Variants in SATL1 observed in about 807,000 individuals in gnomAD.
SATL1 encodes spermidine/spermine N1-acetyl transferase like 1.
Under a neutral mutation model 51.8 loss-of-function variants are expected in SATL1, and 47 were observed. The observed-to-expected ratio is 0.91, with a 90% CI of 0.72 to 1.16. The LOEUF is 1.16. Ranked by LOEUF, SATL1 falls within the 50% of genes most tolerant of loss-of-function variation. The pLI, the probability that SATL1 is intolerant of heterozygous loss-of-function variation, is 0.00. For synonymous variants in SATL1, 176 were observed against 182.4 expected (o/e 0.97, Z 0.28); for missense variants, 520 against 526.4 (o/e 0.99, Z 0.12).
intron 2 of SATL1, among the ~76,000 whole-genome samples, chrX:85,153,243 C>G (rs1926509706): frequency 9.0e-6 from 1 of 111,105 alleles, no homozygotes; most frequent in Non-Finnish European, 1.9e-5. Flanking sequence ...CTTGCATTTG[C>G]TACAGACTGG....
intron 2 of SATL1, among the ~76,000 whole-genome samples, chrX:85,145,104 C>A (rs2147716253): frequency 9.0e-6 from 1 of 110,540 alleles, no homozygotes; most frequent in African/African-American, 3.3e-5. Flanking sequence ...TGCCTGCTAC[C>A]CTTAGTGGCC....
chrX:85,177,412 A>G (rs776068406), intron 2 of SATL1, among the ~76,000 whole-genome samples: 139 of 111,633 alleles, frequency 1.2e-3, no homozygotes, highest in Admixed American at 3.1e-3. Context: ...TAAAATAAAC[A>G]TTTGTTGCGA....
intron 2 of SATL1, among the ~76,000 whole-genome samples, chrX:85,171,023 C>T (rs757514358): frequency 2.7e-5 from 3 of 111,368 alleles, no homozygotes; most frequent in Non-Finnish European, 5.7e-5. Flanking sequence ...ATGATCTGAT[C>T]ACTAAAAAGG....
chrX:85,125,336 C>G (rs1430338612), intron 2 of SATL1, among the ~76,000 whole-genome samples: 1 of 110,984 alleles, frequency 9.0e-6, no homozygotes, highest in Non-Finnish European at 1.9e-5. Flanking sequence ...ACAAAGATAT[C>G]TAATTGATTT....
At chrX:85,124,916 G>C (rs1925584920) in intron 2 of SATL1, among the ~76,000 whole-genome samples, 1 of 110,091 alleles carries the variant, frequency 9.1e-6, no homozygotes, top group Non-Finnish European at 1.9e-5. Flanking sequence ...ACCCCTAAAG[G>C]ATGTCTACTC....
At chrX:85,146,412 T>G (rs987656160) in intron 2 of SATL1, among the ~76,000 whole-genome samples, 1 of 111,895 alleles carries the variant, frequency 8.9e-6, no homozygotes, top group African/African-American at 3.3e-5. Context: ...ATGATGAATA[T>G]GGATTGCATT....
intron 2 of SATL1, among the ~76,000 whole-genome samples, chrX:85,171,934 G>A (rs1455707483): frequency 3.6e-5 from 4 of 111,548 alleles, no homozygotes; most frequent in African/African-American, 1.3e-4. Context: ...ACGTCTAGTA[G>A]TGCCATGGCA....
At chrX:85,234,752 G>C (rs1036836799) in intron 1 of SATL1, among the ~76,000 whole-genome samples, 2 of 110,637 alleles carry the variant, frequency 1.8e-5, no homozygotes, top group South Asian at 7.6e-4. Context: ...TGCTACCACA[G>C]GCAATCACTT....
chrX:85,100,372 A>G (rs1218639103), intron 4 of SATL1, among the ~76,000 whole-genome samples: 1 of 112,182 alleles, frequency 8.9e-6, no homozygotes, highest in Non-Finnish European at 1.9e-5. Flanking sequence ...TCAACAAACA[A>G]AAATAAGTTG....
chrX:85,152,734 G>A (rs1156679455), intron 2 of SATL1, among the ~76,000 whole-genome samples: 6 of 110,492 alleles, frequency 5.4e-5, no homozygotes, highest in Non-Finnish European at 9.5e-5. Flanking sequence ...AGCAAACACC[G>A]CATGTTCTCA....
chrX:85,095,686 C>G (rs1466018894), intron 4 of SATL1, among the ~76,000 whole-genome samples: 1 of 104,875 alleles, frequency 9.5e-6, no homozygotes, highest in Non-Finnish European at 2.0e-5. Context: ...ATTAGCCGGG[C>G]GTAGTGGCGC....
intron 4 of SATL1, among the ~76,000 whole-genome samples, chrX:85,101,492 T>TC (rs1924892251): frequency 8.9e-6 from 1 of 112,387 alleles, no homozygotes; most frequent in Admixed American, 9.4e-5. Flanking sequence ...AGATATCACT[T>TC]CATACCGACT....
chrX:85,133,251 G>A (rs764837208), intron 2 of SATL1, among the ~76,000 whole-genome samples: 55 of 112,314 alleles, frequency 4.9e-4, no homozygotes, highest in African/African-American at 1.5e-3. Context: ...CAGCTATGCC[G>A]TGCCTCCAGA....
At chrX:85,222,519 A>AAT (rs1213922902) in intron 2 of SATL1, among the ~76,000 whole-genome samples, 6 of 110,892 alleles carry the variant, frequency 5.4e-5, no homozygotes, top group Non-Finnish European at 9.5e-5. Flanking sequence ...ATATATTTGA[A>AAT]ATATATATAT....
chrX:85,105,645 T>C (rs187706098), intron 3 of SATL1, among the ~76,000 whole-genome samples: 20 of 111,396 alleles, frequency 1.8e-4, no homozygotes. Flanking sequence ...ATACAGAGGA[T>C]ACTTGGAATG....
At chrX:85,131,531 C>T (rs757121767) in intron 2 of SATL1, among the ~76,000 whole-genome samples, 6 of 109,954 alleles carry the variant, frequency 5.5e-5, no homozygotes, top group African/African-American at 1.3e-4. Flanking sequence ...TTATTTTGAG[C>T]CTATGTGTGT....
chrX:85,220,644 TAAAAAAAAA>T (rs57383092), intron 2 of SATL1, among the ~76,000 whole-genome samples: 24 of 24,152 alleles, frequency 9.9e-4, no homozygotes, highest in African/African-American at 2.4e-3. Flanking sequence ...ACTTCTGTGT[TAAAAAAAAA>T]AAAAAAAAAA....
chrX:85,146,292 C>A (rs1470922588), intron 2 of SATL1, among the ~76,000 whole-genome samples: 2 of 111,295 alleles, frequency 1.8e-5, no homozygotes, highest in Non-Finnish European at 3.8e-5. Context: ...ATGACTACAG[C>A]CAATGATAAT....
At chrX:85,193,546 G>T (rs1458935834) in intron 2 of SATL1, among the ~76,000 whole-genome samples, 1 of 111,502 alleles carries the variant, frequency 9.0e-6, no homozygotes, top group East Asian at 2.8e-4. Context: ...AGGTTCAGAG[G>T]TACCTGTGAA....
Sources: allele counts gnomAD v4.1 joint callset (sites outside exome capture counted in the v4.1 genomes callset), GRCh38; gene constraint gnomAD v4.1.1; transcripts MANE v1.5; gene names NCBI Gene and HGNC (gene_info 2026-07-23, HGNC 2026-07-21).